EPB41L3: variants seen among roughly 807,000 people sequenced by gnomAD.
EPB41L3 encodes erythrocyte membrane protein band 4.1 like 3, also known as band 4.1-like protein 3.
In EPB41L3, 57 loss-of-function variants were observed where a neutral mutation model predicts 127.1. The ratio of observed to expected loss-of-function variants is 0.45; its 90% CI spans 0.36 to 0.56. The LOEUF is 0.56. Ranked by LOEUF, EPB41L3 falls within the 20% of genes least tolerant of loss-of-function variation. The probability of loss-of-function intolerance (pLI) is 0.00; values close to 1 mark genes in which losing one functional copy is unlikely to be tolerated. For missense variants in EPB41L3, 1,273 were observed against 1,372.2 expected (o/e 0.93, Z 1.14); for synonymous variants, 572 against 549.5 (o/e 1.04, Z -0.57).
chr18:5,493,207 C>G (rs1433856279), intron 1 of EPB41L3, among the ~76,000 whole-genome samples: 1 of 152,214 alleles, frequency 6.6e-6, no homozygotes, highest in Non-Finnish European at 1.5e-5. Flanking sequence ...CATAAAAATT[C>G]AGTGGCATTT....
intron 16 of EPB41L3, chr18:5,399,740 AC>A (rs1288581058): frequency 4.7e-5 from 8 of 168,972 alleles, no homozygotes; most frequent in African/African-American, 1.9e-4. Flanking sequence ...ACTTAGCTTT[AC>A]ATGTGTGGGG....
chr18:5,404,553 C>T lies in EPB41L3; in HGVS notation c.2349+2224G>A, dbSNP rs560292751. Reference sequence around the variant, plus strand: ...GAAAGTTCAGTATATTCAAAGTACTCCTTAAATTATTAACATCCTTGGGCT... The same window carrying T: ...GAAAGTTCAGTATATTCAAAGTACTTCTTAAATTATTAACATCCTTGGGCT... On this transcript the variant is annotated intron_variant, in intron 16 of 22. Coordinates refer to ENST00000341928, the MANE Select transcript of EPB41L3 (RefSeq NM_012307.5). Among the ~76,000 whole-genome samples, 147 of 152,240 alleles carry T rather than the reference C, an allele frequency of 9.7e-4. 1 individual carries two copies. Among genetic ancestry groups the T allele is most frequent in the South Asian group, 6.8e-3 (33 of 4,820 alleles).
intron 8 of EPB41L3, among the ~76,000 whole-genome samples, chr18:5,430,589 G>A (rs545216630): frequency 2.0e-5 from 3 of 150,234 alleles, no homozygotes; most frequent in Admixed American, 6.6e-5. Context: ...TTGAGGCAGG[G>A]TCTCCCTCTG....
chr18:5,561,495 G>A (rs967667851), intron 3 of EPB41L3, among the ~76,000 whole-genome samples: 12 of 152,046 alleles, frequency 7.9e-5, no homozygotes, highest in African/African-American at 2.9e-4. Flanking sequence ...AAATACCCAT[G>A]AGTCCATACT....
intron 1 of EPB41L3, among the ~76,000 whole-genome samples, chr18:5,620,550 T>A (rs558198845): frequency 6.6e-5 from 10 of 152,294 alleles, no homozygotes; most frequent in African/African-American, 1.9e-4. Flanking sequence ...AGGAAGCAAA[T>A]AATAGCTAAG....
At chr18:5,447,431 T>C (rs1200975416) in intron 3 of EPB41L3, among the ~76,000 whole-genome samples, 1 of 150,614 alleles carries the variant, frequency 6.6e-6, no homozygotes, top group East Asian at 2.0e-4. Flanking sequence ...TACTACCTAA[T>C]TGCTTTAGCT....
At chr18:5,396,140 C>T in intron 19 of EPB41L3, 61 bp downstream of exon 19, 6 of 1,596,756 alleles carry the variant, frequency 3.8e-6, no homozygotes, top group Non-Finnish European at 4.3e-6. Context: ...TATGTAAACA[C>T]ACTAGGCCAT....
intron 1 of EPB41L3, among the ~76,000 whole-genome samples, chr18:5,618,846 C>G (rs1220785744): frequency 1.3e-5 from 2 of 152,164 alleles, no homozygotes; most frequent in Non-Finnish European, 2.9e-5. Context: ...TAGTAGAATG[C>G]ATGTGCTCAC....
chr18:5,616,768 T>TA (rs1171816140), intron 1 of EPB41L3, among the ~76,000 whole-genome samples: 8 of 152,194 alleles, frequency 5.3e-5, no homozygotes, highest in East Asian at 3.8e-4. Flanking sequence ...TTCTGCAATG[T>TA]AAAAAAATCA....
At chr18:5,606,786 G>A (rs2094658228) in intron 3 of EPB41L3, among the ~76,000 whole-genome samples, 1 of 152,030 alleles carries the variant, frequency 6.6e-6, no homozygotes, top group Admixed American at 6.6e-5. Flanking sequence ...GAGAACCTCA[G>A]TTATTAGCTG....
Position 5,397,328 on chromosome 18 carries a change from C to T in EPB41L3, c.2571G>A (p.Leu857=), listed in dbSNP as rs201740894. ...STEKVVQETV[L]VEERRVVHAS... is the part of the protein sequence containing the mutation. ...CGTGCACCACACGCCGCTCCTCCAC[C>T]AACACGGTCTCCTGCACCACCTTCT... Residue 857 remains leucine, a synonymous_variant, in exon 18 of 23, where the codon TTG becomes TTA. Transcript: ENST00000341928. The surrounding 1 kb of genome is among the most constrained non-coding windows in gnomAD (Gnocchi z 4.1). 39 of 1,614,042 alleles carry T rather than the reference C, an allele frequency of 2.4e-5. No individual in the cohort carries two copies. The East Asian group carries it at 8.0e-4, about 33-fold the overall frequency.
intron 1 of EPB41L3, among the ~76,000 whole-genome samples, chr18:5,523,846 C>G (rs2148844060): frequency 6.6e-6 from 1 of 152,000 alleles, no homozygotes; most frequent in East Asian, 1.9e-4. Context: ...AGATCATGTC[C>G]TTTCTACTTG....
intron 1 of EPB41L3, among the ~76,000 whole-genome samples, chr18:5,616,808 T>C (rs750933753): frequency 1.3e-5 from 2 of 152,190 alleles, no homozygotes; most frequent in Non-Finnish European, 2.9e-5. Flanking sequence ...ATGTGGTTGG[T>C]TGATAGCTAT....
chr18:5,511,392 T>G (rs1000402501), intron 1 of EPB41L3, among the ~76,000 whole-genome samples: 43 of 37,200 alleles, frequency 1.2e-3, no homozygotes, highest in African/African-American at 3.6e-3. Context: ...GGTATTTTGG[T>G]TTTTTTTTTT....
In EPB41L3 at chr18:5,423,469, C is replaced by T. The variant is rs202106014; in HGVS notation, c.1248G>A (p.Thr416=). 5.0e-6 allele frequency: 8 copies of T among 1,613,964 alleles called. No individual in the cohort carries two copies. The highest frequency in any genetic ancestry group is 2.2e-5 in the South Asian group (2 of 91,064). ...GATCTATCAACGCACTGGCTCTTCT[C>T]GTTTGCGCTTGTGTCCTGCCACTAT... ...FRYSGRTQAQ[T]RRASALIDRP... Residue 416 remains threonine, a synonymous_variant, in exon 11 of 23, where the codon ACG becomes ACA. Coordinates refer to ENST00000341928, the MANE Select transcript of EPB41L3 (RefSeq NM_012307.5).
intron 15 of EPB41L3, 60 bp from the exon 16 acceptor site, chr18:5,407,028 T>C: frequency 6.6e-7 from 1 of 1,511,680 alleles, no homozygotes; most frequent in Non-Finnish European, 9.2e-7. Flanking sequence ...TCCTTTCAGC[T>C]CTTTTGTTTG....
intron 14 of EPB41L3, 76 bp downstream of exon 14, chr18:5,410,490 A>C: frequency 2.0e-6 from 2 of 997,112 alleles, no homozygotes; most frequent in Non-Finnish European, 3.2e-6. Flanking sequence ...TCATATGTGG[A>C]GTTCTTAAAC....
intron 13 of EPB41L3, 33 bp downstream of exon 13, chr18:5,415,785 A>G (rs777709878): frequency 6.3e-7 from 1 of 1,587,218 alleles, no homozygotes; most frequent in East Asian, 2.2e-5. Context: ...ACGGAACACG[A>G]AGGGGAAGCG....
rs779643635 is a variant in EPB41L3, at chr18:5,406,876, G to A, written c.2250C>T (p.Ala750=). ...GCCTCTTCTCCCATTCATTCGTTAC[G>A]GCAGTGTCTGTTGAGGTTTCTAAGA... ...RTFLETSTDT[A]VTNEWEKRLS... is the part of the protein sequence containing the mutation. Residue 750 remains alanine, a synonymous_variant, in exon 16 of 23, where the codon GCC becomes GCT. Coordinates refer to ENST00000341928, the MANE Select transcript of EPB41L3 (RefSeq NM_012307.5). 2.1e-5 allele frequency: 34 copies of A among 1,614,008 alleles called. No homozygotes were observed. Among genetic ancestry groups the A allele is most frequent in the East Asian group, 4.5e-5 (2 of 44,888 alleles).
Sources: allele counts gnomAD v4.1 joint callset (sites outside exome capture counted in the v4.1 genomes callset), GRCh38; gene constraint gnomAD v4.1.1; non-coding constraint Gnocchi (gnomAD v3.1); transcripts MANE v1.5; gene names NCBI Gene and HGNC (gene_info 2026-07-23, HGNC 2026-07-21).